NDUFA8: variants seen among roughly 807,000 people sequenced by gnomAD.
The protein encoded by NDUFA8 is NADH dehydrogenase [ubiquinone] 1 alpha subcomplex subunit 8.
NDUFA8 carries 16 observed loss-of-function variants against 20.9 expected under a neutral mutation model. The observed-to-expected ratio is 0.77, with a 90% CI of 0.52 to 1.16. The LOEUF (loss-of-function observed/expected upper bound fraction) is 1.16, where lower values mean the gene tolerates loss of function less well. NDUFA8 is among the 50% of genes most tolerant of loss of function. NDUFA8 has a pLI of 0.00. For missense variants in NDUFA8, 202 were observed against 216.4 expected, an observed-to-expected ratio of 0.93 and a Z score of 0.42; for synonymous variants, 70 against 76.1, an observed-to-expected ratio of 0.92 and a Z score of 0.41.
At chr9:122,142,362 A>C (rs1828835034), downstream of NDUFA8, among the ~76,000 whole-genome samples, 1 of 152,206 alleles carries the variant, frequency 6.6e-6, no homozygotes, top group African/African-American at 2.4e-5. Context: ...GTCGTTCTAC[A>C]CCTTGGCTTC....
the NDUFA8 span, chr9:122,132,845 C>T: frequency 0.01 from 4,640 of 442,888 alleles, 49 homozygotes; most frequent in Middle Eastern, 0.038. Flanking sequence ...CCTGGCTTCA[C>T]GCATGCTCTT....
intron 1 of NDUFA8, among the ~76,000 whole-genome samples, chr9:122,159,055 G>GTT (rs1450116120): frequency 6.6e-6 from 1 of 152,022 alleles, no homozygotes; most frequent in Non-Finnish European, 1.5e-5. Flanking sequence ...CTCTTCCAGC[G>GTT]TTATGTGTAC....
chr9:122,157,993 A>G (rs1829101454), intron 1 of NDUFA8, among the ~76,000 whole-genome samples: 1 of 151,980 alleles, frequency 6.6e-6, no homozygotes, highest in Non-Finnish European at 1.5e-5. Flanking sequence ...CTCTACTAAA[A>G]ATACACAATA....
chr9:122,140,759 CTATA>C (rs1227749296), downstream of NDUFA8, among the ~76,000 whole-genome samples: 5 of 152,214 alleles, frequency 3.3e-5, no homozygotes, highest in East Asian at 9.6e-4. Flanking sequence ...GTGTAACTCA[CTATA>C]TACTCATAGC....
chr9:122,154,160 A>G lies in NDUFA8; in HGVS notation c.52-1752T>C, dbSNP rs151208504. ...TCAACAGAGATCCACTACTGTAAAGATATCAATTCTCCCCAAATTAAGCTA... is the reference window on the plus strand; with the variant it reads ...TCAACAGAGATCCACTACTGTAAAGGTATCAATTCTCCCCAAATTAAGCTA... On this transcript the variant is annotated intron_variant, in intron 1 of 3. Transcript: ENST00000373768. Among the ~76,000 whole-genome samples, 826 of 152,350 alleles carry G rather than the reference A, an allele frequency of 5.4e-3. 10 individuals carry two copies. The highest frequency in any genetic ancestry group is 0.018 in the African/African-American group (768 of 41,578).
intron 3 of NDUFA8, among the ~76,000 whole-genome samples, chr9:122,144,757 G>C (rs1262585304): frequency 1.3e-5 from 2 of 152,200 alleles, no homozygotes; most frequent in African/African-American, 2.4e-5. Flanking sequence ...AACCCATCCT[G>C]AAGGCTGGGG....
In NDUFA8 at chr9:122,144,070, A is replaced by T. The variant is rs1052139981; in HGVS notation, c.*171T>A. 3.4e-6 allele frequency: 5 copies of T among 1,468,046 alleles called. No individual in the cohort carries two copies. In the African/African-American group the frequency reaches 4.3e-5, roughly 13 times the overall value. 90.9% of individuals were successfully genotyped at this position (1,468,046 alleles called of 1,614,324 possible). On this transcript the variant is annotated 3_prime_UTR_variant, in exon 4 of 4. Transcript: ENST00000373768. ...TAAAATACAACCGTTTCCTTTAAAA[A>T]TTTTAATGGACAGGAAATGGTATAG...
intron 3 of NDUFA8, among the ~76,000 whole-genome samples, chr9:122,147,151 T>G (rs1828916319): frequency 6.6e-6 from 1 of 152,160 alleles, no homozygotes; most frequent in Non-Finnish European, 1.5e-5. Context: ...AAGCCCACAT[T>G]GATCCACCCT....
intron 3 of NDUFA8, among the ~76,000 whole-genome samples, chr9:122,145,174 T>G (rs766711731): frequency 2.0e-5 from 3 of 152,356 alleles, no homozygotes; most frequent in Middle Eastern, 6.8e-3. Flanking sequence ...TGTTTGCGTT[T>G]TAACCTGACG....
chr9:122,159,398 G>A (rs1829140114), intron 1 of NDUFA8, among the ~76,000 whole-genome samples: 1 of 152,172 alleles, frequency 6.6e-6, no homozygotes, highest in Non-Finnish European at 1.5e-5. Context: ...TGTGGAGGGC[G>A]AAAGGGGGAG....
downstream of NDUFA8, among the ~76,000 whole-genome samples, chr9:122,142,671 TGTA>T (rs1305293724): frequency 6.6e-6 from 1 of 152,224 alleles, no homozygotes; most frequent in African/African-American, 2.4e-5. Context: ...GAATATGACC[TGTA>T]GTACCTCGTT....
intron 1 of NDUFA8, among the ~76,000 whole-genome samples, chr9:122,157,023 A>G (rs948489820): frequency 5.9e-5 from 9 of 152,224 alleles, no homozygotes; most frequent in Admixed American, 4.6e-4. Context: ...CAGCCTTAAC[A>G]GCAGAATAAA....
At chr9:122,151,520 A>G (rs1564409535) in intron 2 of NDUFA8, among the ~76,000 whole-genome samples, 1 of 151,910 alleles carries the variant, frequency 6.6e-6, no homozygotes, top group Non-Finnish European at 1.5e-5. Flanking sequence ...GCTGGTGGCC[A>G]TTTTTGGTAC....
intron 1 of NDUFA8, 65 bp downstream of exon 1, chr9:122,159,562 G>C: frequency 6.3e-7 from 1 of 1,599,254 alleles, no homozygotes; most frequent in African/African-American, 1.3e-5. Flanking sequence ...CCCAAGGGGG[G>C]CTAGGCCCAG....
rs1369830842 is a variant in NDUFA8 at position 122,159,653 on chromosome 9, T to C, written c.25A>G (p.Thr9Ala). The C allele has an allele frequency of 6.2e-7, 1 of 1,614,018 alleles. No individual in the cohort carries two copies. Among genetic ancestry groups the C allele is most frequent in the Non-Finnish European group, 8.5e-7 (1 of 1,179,962 alleles). MPGIVELPTLEELKVDEVK... is the reference protein window; with the variant it reads MPGIVELPALEELKVDEVK... ...TCATCTACTTTCAGCTCCTCTAGAG[T>C]GGGCAGCTCCACTATCCCCGGCATG... The change falls in exon 1 of 4, where the codon ACT becomes GCT. Residue 9 changes from threonine to alanine, a missense_variant. Thr to Ala is a moderately conservative substitution (Grantham distance 58). Coordinates refer to ENST00000373768, the MANE Select transcript of NDUFA8 (RefSeq NM_014222.3).
chr9:122,134,599 C>A, the NDUFA8 span, among the ~76,000 whole-genome samples: 76,233 of 151,916 alleles, frequency 0.5, 20,049 homozygotes, highest in Middle Eastern at 0.65. Flanking sequence ...CCTCTGAGCC[C>A]ATCCTCTCTA....
intron 1 of NDUFA8, among the ~76,000 whole-genome samples, chr9:122,158,551 T>C (rs531412210): frequency 6.6e-6 from 1 of 151,948 alleles, no homozygotes; most frequent in Admixed American, 6.5e-5. Context: ...AAAATCAGAC[T>C]TGGGTTCACT....
Position 122,144,132 on chromosome 9 carries a change from A to T in NDUFA8, c.*109T>A. 3 of 1,580,760 alleles carry T rather than the reference A, an allele frequency of 1.9e-6. No homozygotes were observed. The highest frequency in any genetic ancestry group is 1.8e-5 in the Admixed American group (1 of 55,114). On this transcript the variant is annotated 3_prime_UTR_variant, in exon 4 of 4. Coordinates refer to ENST00000373768, the MANE Select transcript of NDUFA8 (RefSeq NM_014222.3). ...AGTCACATAAGTTAACTTTTTTGTT[A>T]ATGTTTGTGATCCCGGAAAGAACAC...
chr9:122,145,750 G>C (rs1828895707), intron 3 of NDUFA8, among the ~76,000 whole-genome samples: 1 of 152,180 alleles, frequency 6.6e-6, no homozygotes, highest in Non-Finnish European at 1.5e-5. Flanking sequence ...AGTTTCGTTT[G>C]TTTGCTTTTG....
Sources: gnomAD v4.1 joint callset for allele counts (sites outside exome capture counted in the v4.1 genomes callset) on GRCh38, gnomAD v4.1.1 for gene constraint, MANE v1.5 for transcripts, NCBI Gene and HGNC (gene_info 2026-07-23, HGNC 2026-07-21) for gene names.